IL1RAPL1: variants seen among roughly 807,000 people sequenced by gnomAD.
IL1RAPL1 encodes the protein interleukin 1 receptor accessory protein like 1.
Under a neutral mutation model 48.4 loss-of-function variants are expected in IL1RAPL1, and 3 were observed. The ratio of observed to expected loss-of-function variants is 0.06; its 90% CI spans 0.03 to 0.16. The LOEUF (loss-of-function observed/expected upper bound fraction) is 0.16, where lower values mean the gene tolerates loss of function less well. Ranked by LOEUF, IL1RAPL1 falls within the 10% of genes least tolerant of loss-of-function variation. The pLI, the probability that IL1RAPL1 is intolerant of heterozygous loss-of-function variation, is 1.00. For synonymous variants in IL1RAPL1, 185 were observed against 187.7 expected, an observed-to-expected ratio of 0.99 and a Z score of 0.12; for missense variants, 349 against 530.6, an observed-to-expected ratio of 0.66 and a Z score of 3.36.
chrX:29,273,812 C>A (rs138634185), intron 2 of IL1RAPL1, among the ~76,000 whole-genome samples: 1 of 106,549 alleles, frequency 9.4e-6, no homozygotes, highest in African/African-American at 3.4e-5. Context: ...AGCATCCATG[C>A]GTGTATTCGC....
At chrX:28,593,811 C>T (rs1372490180) in intron 1 of IL1RAPL1, among the ~76,000 whole-genome samples, 1 of 110,745 alleles carries the variant, frequency 9.0e-6, no homozygotes, top group Non-Finnish European at 1.9e-5. Flanking sequence ...GTTACCTTAT[C>T]GATGTTTTAG....
chrX:29,571,236 T>C (rs1418961430), intron 5 of IL1RAPL1, among the ~76,000 whole-genome samples: 1 of 110,557 alleles, frequency 9.0e-6, no homozygotes, highest in Non-Finnish European at 1.9e-5. Context: ...ATAATAATAA[T>C]AATAATAATT....
At chrX:29,703,221 G>A (rs765995354) in intron 6 of IL1RAPL1, among the ~76,000 whole-genome samples, 3 of 111,942 alleles carry the variant, frequency 2.7e-5, no homozygotes, top group Non-Finnish European at 5.6e-5. Context: ...GTTTTTGAAA[G>A]TTAGATCCAA....
chrX:29,103,235 C>G (rs1192373399), intron 2 of IL1RAPL1, among the ~76,000 whole-genome samples: 1 of 111,904 alleles, frequency 8.9e-6, no homozygotes, highest in Non-Finnish European at 1.9e-5. Context: ...CTACAGGCCA[C>G]TGTAATCAAA....
chrX:28,959,221 C>G, intron 2 of IL1RAPL1, among the ~76,000 whole-genome samples: 1 of 111,088 alleles, frequency 9.0e-6, no homozygotes, highest in African/African-American at 3.3e-5. Flanking sequence ...AAATGCAGAT[C>G]GTTCAGTACA....
rs148868606 is a variant in IL1RAPL1, at chrX:28,707,961, T to C, written c.-24-81359T>C. Reference sequence around the variant, plus strand: ...TGCGGTTGGCAGAGTGTCTTTTTTTTCCAAAGCATCAAGGTTTAGCCTAAT... The same window carrying C: ...TGCGGTTGGCAGAGTGTCTTTTTTTCCCAAAGCATCAAGGTTTAGCCTAAT... On this transcript the variant is annotated intron_variant, in intron 1 of 10. Transcript: ENST00000378993. Among the ~76,000 whole-genome samples the C allele has an allele frequency of 9.5e-3, 1,063 of 111,468 alleles. 12 individuals are homozygous for C. Among genetic ancestry groups the C allele is most frequent in the African/African-American group, 0.033 (1,010 of 30,643 alleles).
intron 2 of IL1RAPL1, among the ~76,000 whole-genome samples, chrX:28,988,180 A>G (rs1455025372): frequency 2.7e-5 from 3 of 111,542 alleles, no homozygotes; most frequent in Non-Finnish European, 5.6e-5. Flanking sequence ...AAATGATAGT[A>G]AGATAAATCA....
chrX:29,342,149 TG>T, intron 3 of IL1RAPL1, among the ~76,000 whole-genome samples: 1 of 94,405 alleles, frequency 1.1e-5, no homozygotes, highest in South Asian at 4.4e-4. Flanking sequence ...TGTGTGTGTG[TG>T]TGTGTTTGTT....
rs142596906 is a variant in IL1RAPL1, at chrX:29,922,387, C to T, written c.1057+2293C>T. ...TTTTTCAAATATGCGTTTATACCAA[C>T]GGCATTTTATTCTTGATAAATAAAA... On this transcript the variant is annotated intron_variant, in intron 8 of 10. Coordinates refer to ENST00000378993, the MANE Select transcript of IL1RAPL1 (RefSeq NM_014271.4). 9.2e-3 allele frequency among the ~76,000 whole-genome samples: 1,035 copies of T among 112,045 alleles called. 13 individuals carry two copies. Among genetic ancestry groups the T allele is most frequent in the African/African-American group, 0.032 (976 of 30,813 alleles).
At chrX:29,057,451 CAG>C (rs1927243544) in intron 2 of IL1RAPL1, among the ~76,000 whole-genome samples, 1 of 106,026 alleles carries the variant, frequency 9.4e-6, no homozygotes, top group Non-Finnish European at 1.9e-5. Context: ...TTTTTTGAGA[CAG>C]AGTTTCGCTC....
intron 1 of IL1RAPL1, among the ~76,000 whole-genome samples, chrX:28,665,894 G>A (rs939007602): frequency 2.7e-5 from 3 of 112,143 alleles, no homozygotes; most frequent in African/African-American, 9.7e-5. Context: ...CATAGAAGTG[G>A]GAGGAAATGT....
chrX:28,656,678 G>T (rs142323917), intron 1 of IL1RAPL1, among the ~76,000 whole-genome samples: 1 of 111,471 alleles, frequency 9.0e-6, no homozygotes, highest in African/African-American at 3.3e-5. Context: ...ATTGCCTTGC[G>T]TTGATAGTGT....
intron 2 of IL1RAPL1, among the ~76,000 whole-genome samples, chrX:29,163,030 G>A (rs1037748377): frequency 4.5e-4 from 48 of 107,177 alleles, no homozygotes; most frequent in African/African-American, 1.6e-3. Context: ...CCGAGATCAC[G>A]CCACTGTACT....
chrX:28,715,093 C>T (rs887331450), intron 1 of IL1RAPL1, among the ~76,000 whole-genome samples: 5 of 112,318 alleles, frequency 4.5e-5, no homozygotes, highest in Non-Finnish European at 9.4e-5. Context: ...ATAGAATATA[C>T]GTTCTTCTCA....
intron 2 of IL1RAPL1, among the ~76,000 whole-genome samples, chrX:28,967,269 TA>T (rs1924944533): frequency 9.0e-6 from 1 of 111,713 alleles, no homozygotes; most frequent in South Asian, 3.7e-4. Flanking sequence ...TCATATAAAA[TA>T]GGCACTGAAG....
chrX:29,101,372 CA>C (rs1362275670), intron 2 of IL1RAPL1, among the ~76,000 whole-genome samples: 1 of 111,647 alleles, frequency 9.0e-6, no homozygotes, highest in Non-Finnish European at 1.9e-5. Context: ...AATCTTCCAG[CA>C]AAGTGCAGCT....
At chrX:28,724,134 A>G (rs1391774527) in intron 1 of IL1RAPL1, among the ~76,000 whole-genome samples, 16 of 111,309 alleles carry the variant, frequency 1.4e-4, no homozygotes, top group Non-Finnish European at 3.0e-4. Flanking sequence ...GCTGAGTTCA[A>G]TTCCTGGGTA....
intron 2 of IL1RAPL1, among the ~76,000 whole-genome samples, chrX:28,872,172 T>C (rs1359106126): frequency 1.2e-5 from 1 of 81,139 alleles, no homozygotes; most frequent in Non-Finnish European, 2.2e-5. Context: ...CCACCATGCC[T>C]GGCTATTTAA....
intron 8 of IL1RAPL1, among the ~76,000 whole-genome samples, chrX:29,920,794 CAAAAAAAAAAAAAAAAAAAAAAAAGAAAA>C (rs1306289682): frequency 1.9e-4 from 6 of 31,638 alleles, no homozygotes; most frequent in African/African-American, 7.6e-4. Context: ...GACCCTGTCT[CAAAAAAAAAAAAAAAAAAAAAAAAGAAAA>C]GAAAAGAAAG....
Sources: gnomAD v4.1 joint callset for allele counts (sites outside exome capture counted in the v4.1 genomes callset) on GRCh38, gnomAD v4.1.1 for gene constraint, MANE v1.5 for transcripts, NCBI Gene and HGNC (gene_info 2026-07-23, HGNC 2026-07-21) for gene names.